Variants in CMTM7 observed in about 807,000 individuals in gnomAD.
The protein encoded by CMTM7 is CKLF like MARVEL transmembrane domain containing 7.
CMTM7 carries 7 observed loss-of-function variants against 19.3 expected under a neutral mutation model. The ratio of observed to expected loss-of-function variants is 0.36; its 90% CI spans 0.21 to 0.68. The LOEUF is 0.68. Ranked by LOEUF, CMTM7 falls within the 30% of genes least tolerant of loss-of-function variation. The probability of loss-of-function intolerance (pLI) is 0.60; values close to 1 mark genes in which losing one functional copy is unlikely to be tolerated. For missense variants in CMTM7, 193 were observed against 232.6 expected (o/e 0.83, Z 1.11); for synonymous variants, 87 against 99.3 (o/e 0.88, Z 0.74).
intron 1 of CMTM7, among the ~76,000 whole-genome samples, chr3:32,434,775 A>G (rs1696572459): frequency 6.6e-6 from 1 of 152,114 alleles, no homozygotes; most frequent in East Asian, 1.9e-4. Flanking sequence ...TGCAATGTCT[A>G]TAAGAGACTA....
rs1023650072 is a variant in CMTM7, at chr3:32,446,788, C to T, written c.334-2666C>T. ...TGGCACCTTCCTCCCCTCTCTCTTG[C>T]TTCCTTCCTCTTGGCTGTGTGATGC... is the stretch of plus-strand genomic sequence containing the variant. On this transcript the variant is annotated intron_variant, in intron 2 of 4. Transcript: ENST00000334983. Among the ~76,000 whole-genome samples, 7 of 152,156 alleles carry T rather than the reference C, an allele frequency of 4.6e-5. No individual in the cohort carries two copies. In the East Asian group the frequency reaches 1.3e-3, roughly 29 times the overall value.
intron 1 of CMTM7, among the ~76,000 whole-genome samples, chr3:32,430,208 G>C (rs190952618): frequency 6.6e-6 from 1 of 152,184 alleles, no homozygotes; most frequent in East Asian, 1.9e-4. Context: ...CCCCCCAAAA[G>C]ATCCCTCGTA....
intron 1 of CMTM7, among the ~76,000 whole-genome samples, chr3:32,404,718 C>T (rs1001384942): frequency 6.6e-6 from 1 of 152,216 alleles, no homozygotes; most frequent in African/African-American, 2.4e-5. Flanking sequence ...CAGTCAGTCA[C>T]ATCCTGTGTA....
At chr3:32,451,992 C>CCA (rs1696839703) in intron 3 of CMTM7, 2 of 1,011,568 alleles carry the variant, frequency 2.0e-6, no homozygotes, top group African/African-American at 1.6e-5. Context: ...CGCCACTACA[C>CCA]CACAAATCAT....
At chr3:32,396,684 G>T (rs1695924141) in intron 1 of CMTM7, among the ~76,000 whole-genome samples, 1 of 152,200 alleles carries the variant, frequency 6.6e-6, no homozygotes, top group Non-Finnish European at 1.5e-5. Context: ...CACTGGGTGT[G>T]GGGAGGCTAC....
At chr3:32,428,915 G>A (rs1036512290) in intron 1 of CMTM7, among the ~76,000 whole-genome samples, 1 of 152,156 alleles carries the variant, frequency 6.6e-6, no homozygotes, top group African/African-American at 2.4e-5. Context: ...CACCAGCCAG[G>A]GTTTGCTTGA....
At chr3:32,404,156 T>TTC in intron 1 of CMTM7, among the ~76,000 whole-genome samples, 1 of 70,726 alleles carries the variant, frequency 1.4e-5, no homozygotes, top group African/African-American at 3.4e-5. Flanking sequence ...TTTTTTCTTT[T>TTC]TTTTTCTTTT....
At chr3:32,409,303 G>A (rs867227453) in intron 1 of CMTM7, among the ~76,000 whole-genome samples, 2 of 152,070 alleles carry the variant, frequency 1.3e-5, no homozygotes, top group African/African-American at 4.8e-5. Flanking sequence ...TTGTTTGATC[G>A]TTTTCCATTT....
rs1393237503 is a variant in CMTM7, at chr3:32,421,608, CCT to C, written c.160-20231_160-20230del. 3.9e-5 allele frequency among the ~76,000 whole-genome samples: 6 copies of C among 152,244 alleles called. 1 individual carries two copies. In the East Asian group the frequency reaches 7.7e-4, roughly 20 times the overall value. On this transcript the variant is annotated intron_variant, in intron 1 of 4. Coordinates refer to ENST00000334983, the MANE Select transcript of CMTM7 (RefSeq NM_138410.4). Reference sequence around the variant, plus strand: ...TGTAGCTCTCTGGTGGTATTTATCCCCTGTTTTGTTGTCGTTACTTGTGTCTG... The same window carrying C: ...TGTAGCTCTCTGGTGGTATTTATCCCGTTTTGTTGTCGTTACTTGTGTCTG...
chr3:32,427,266 G>A (rs928847883), intron 1 of CMTM7, among the ~76,000 whole-genome samples: 5 of 152,336 alleles, frequency 3.3e-5, no homozygotes, highest in Non-Finnish European at 7.4e-5. Flanking sequence ...AGGGACAAAG[G>A]TCTGGTCCCA....
At position 32,404,142 on chromosome 3, in the gene CMTM7, C is replaced by CTTTTTTTTCTTTTTT. The variant is rs1559401304; in HGVS notation, c.159+12085_159+12086insCTTTTTTTTTTTTTT. On this transcript the variant is annotated intron_variant, in intron 1 of 4. Transcript: ENST00000334983. ...CCTTTGTTTAATCTTTTCTTTCTTT[C>CTTTTTTTTCTTTTTT]TTTTTTTTTCTTTTTTTTTCTTTTT... Among the ~76,000 whole-genome samples the CTTTTTTTTCTTTTTT allele has an allele frequency of 4.3e-3, 473 of 109,168 alleles. 26 individuals carry two copies. Among genetic ancestry groups the CTTTTTTTTCTTTTTT allele is most frequent in the Non-Finnish European group, 5.9e-3 (316 of 53,998 alleles). The allele number at this position is 109,168 out of a possible 152,430, so 71.6% of individuals were successfully genotyped here.
intron 3 of CMTM7, chr3:32,451,807 C>A (rs571802774): frequency 3.1e-6 from 1 of 324,360 alleles, no homozygotes; most frequent in South Asian, 2.4e-5. Flanking sequence ...CTTCCTCACA[C>A]TTGAGCGCTG....
chr3:32,398,466 A>G (rs1695951738), intron 1 of CMTM7, among the ~76,000 whole-genome samples: 1 of 152,150 alleles, frequency 6.6e-6, no homozygotes, highest in African/African-American at 2.4e-5. Context: ...GGAACTGTGG[A>G]AAGAAGACAG....
chr3:32,437,263 C>T (rs1017828469), intron 1 of CMTM7, among the ~76,000 whole-genome samples: 1 of 152,022 alleles, frequency 6.6e-6, no homozygotes. Flanking sequence ...TCTGTGGGAC[C>T]CTTGCTTTGA....
chr3:32,419,226 A>C (rs1194574396), intron 1 of CMTM7, among the ~76,000 whole-genome samples: 1 of 152,254 alleles, frequency 6.6e-6, no homozygotes, highest in East Asian at 1.9e-4. Flanking sequence ...GATTTTTGTA[A>C]ATTGGTTTTG....
At chr3:32,415,533 A>C (rs190900440) in intron 1 of CMTM7, among the ~76,000 whole-genome samples, 13 of 152,290 alleles carry the variant, frequency 8.5e-5, no homozygotes, top group African/African-American at 2.6e-4. Context: ...GAACTGCTGG[A>C]TTCCTACTCC....
chr3:32,392,077 C>A lies in CMTM7; in HGVS notation c.159+12C>A. On this transcript the variant is annotated intron_variant, in intron 1 of 4. Coordinates refer to ENST00000334983, the MANE Select transcript of CMTM7 (RefSeq NM_138410.4). ...AAGTGGCGCAAATGGTAAGTGAGCG[C>A]GGGGCGCGAGGCCGAGGTTCTACAG... 8.1e-7 allele frequency: 1 copy of A among 1,232,726 alleles called. No homozygotes were observed. Among genetic ancestry groups the A allele is most frequent in the Non-Finnish European group, 1.0e-6 (1 of 986,386 alleles). 76.4% of individuals were successfully genotyped at this position (1,232,726 alleles called of 1,614,324 possible).
chr3:32,432,610 C>T (rs1696535914), intron 1 of CMTM7, among the ~76,000 whole-genome samples: 1 of 152,204 alleles, frequency 6.6e-6, no homozygotes, highest in Admixed American at 6.5e-5. Context: ...GTTGTAGGAT[C>T]AGCTCAAATC....
intron 1 of CMTM7, among the ~76,000 whole-genome samples, chr3:32,409,979 T>G (rs1281461441): frequency 6.6e-6 from 1 of 152,238 alleles, no homozygotes; most frequent in African/African-American, 2.4e-5. Flanking sequence ...TCACCTCATT[T>G]AATCCTCACA....
Sources: allele counts gnomAD v4.1 joint callset (sites outside exome capture counted in the v4.1 genomes callset), GRCh38; gene constraint gnomAD v4.1.1; transcripts MANE v1.5; gene names NCBI Gene and HGNC (gene_info 2026-07-23, HGNC 2026-07-21).